The following CALN1 variants were observed in gnomAD, a reference collection of about 807,000 sequenced individuals.
CALN1 encodes calcium-binding protein 8.
In CALN1, 17 loss-of-function variants were observed where a neutral mutation model predicts 30.6. That is an observed-to-expected ratio of 0.56 (90% CI 0.38 to 0.83). The LOEUF is 0.83. Among genes scored for constraint, CALN1 ranks in the 40% least tolerant of loss-of-function variants. The probability of loss-of-function intolerance (pLI) is 0.00; values close to 1 mark genes in which losing one functional copy is unlikely to be tolerated. For synonymous variants in CALN1, 156 were observed against 131.4 expected (o/e 1.19, Z -1.28); for missense variants, 291 against 354.9 (o/e 0.82, Z 1.45).
At chr7:72,098,714 AAAAATAAAAT>A (rs766064277) in intron 4 of CALN1, among the ~76,000 whole-genome samples, 3 of 151,606 alleles carry the variant, frequency 2.0e-5, no homozygotes, top group Non-Finnish European at 4.4e-5. Context: ...TGCCTCTATA[AAAAATAAAAT>A]AAAATAAAAT....
intron 3 of CALN1, among the ~76,000 whole-genome samples, chr7:72,217,343 C>G (rs934360319): frequency 3.3e-5 from 5 of 152,138 alleles, no homozygotes; most frequent in African/African-American, 1.2e-4. Flanking sequence ...AGGTCTGGGC[C>G]TGGGCATCTT....
At chr7:72,003,904 C>T (rs926358241) in intron 5 of CALN1, among the ~76,000 whole-genome samples, 2 of 152,148 alleles carry the variant, frequency 1.3e-5, no homozygotes, top group Admixed American at 6.5e-5. Flanking sequence ...AAGGTGATGA[C>T]GCTATTCCTA....
chr7:72,466,477 C>T, the CALN1 span, among the ~76,000 whole-genome samples: 2 of 152,148 alleles, frequency 1.3e-5, no homozygotes, highest in African/African-American at 4.8e-5. Flanking sequence ...GGTGCAGTGG[C>T]TCACACCTGT....
At chr7:72,151,836 C>T (rs188525510) in intron 3 of CALN1, among the ~76,000 whole-genome samples, 76 of 151,896 alleles carry the variant, frequency 5.0e-4, no homozygotes, top group African/African-American at 1.7e-3. Context: ...CTCAGCCTCC[C>T]GAGTAGCTGG....
At chr7:72,500,162 C>A in the CALN1 span, among the ~76,000 whole-genome samples, 1 of 150,750 alleles carries the variant, frequency 6.6e-6, no homozygotes, top group Admixed American at 6.7e-5. Flanking sequence ...TCCACCCACC[C>A]CAGCCTCCCA....
the CALN1 span, among the ~76,000 whole-genome samples, chr7:72,456,998 T>C: frequency 1.3e-5 from 2 of 148,382 alleles, no homozygotes; most frequent in Non-Finnish European, 3.0e-5. Flanking sequence ...TTCTTTTTCT[T>C]TCTTTCTTTT....
chr7:71,915,735 A>G (rs1217457703), intron 5 of CALN1, among the ~76,000 whole-genome samples: 2 of 134,044 alleles, frequency 1.5e-5, no homozygotes, highest in East Asian at 2.2e-4. Flanking sequence ...TCCGTCTCAA[A>G]ACAAAAACCA....
At chr7:71,843,773 C>G (rs943599843) in intron 5 of CALN1, among the ~76,000 whole-genome samples, 1 of 152,186 alleles carries the variant, frequency 6.6e-6, no homozygotes, top group African/African-American at 2.4e-5. Flanking sequence ...CATGGGCACG[C>G]ATGAGGTATG....
intron 2 of CALN1, among the ~76,000 whole-genome samples, chr7:72,331,040 A>G (rs1352127817): frequency 6.6e-6 from 1 of 152,160 alleles, no homozygotes; most frequent in African/African-American, 2.4e-5. Flanking sequence ...GAATCCTTCC[A>G]GTTTCCTTTC....
At chr7:71,805,931 T>G (rs944412940) in intron 6 of CALN1, among the ~76,000 whole-genome samples, 4 of 152,186 alleles carry the variant, frequency 2.6e-5, no homozygotes, top group Non-Finnish European at 5.9e-5. Flanking sequence ...GATTATGTCC[T>G]TGCAGGGACA....
At chr7:72,089,597 A>T (rs1805716308) in intron 4 of CALN1, among the ~76,000 whole-genome samples, 1 of 152,178 alleles carries the variant, frequency 6.6e-6, no homozygotes, top group South Asian at 2.1e-4. Context: ...TGGAAGGAAA[A>T]GAAACTGAAT....
At chr7:71,820,946 T>A (rs193088177) in intron 5 of CALN1, among the ~76,000 whole-genome samples, 1 of 152,222 alleles carries the variant, frequency 6.6e-6, no homozygotes, top group East Asian at 1.9e-4. Flanking sequence ...CTGTGTGTGG[T>A]GTGTGAAGGC....
At chr7:72,178,113 G>A (rs1789494879) in intron 3 of CALN1, among the ~76,000 whole-genome samples, 1 of 152,100 alleles carries the variant, frequency 6.6e-6, no homozygotes, top group South Asian at 2.1e-4. Flanking sequence ...CGAAAAATGG[G>A]GGAAAAAATT....
intron 5 of CALN1, among the ~76,000 whole-genome samples, chr7:71,855,562 C>A (rs1482961138): frequency 6.6e-6 from 1 of 152,132 alleles, no homozygotes; most frequent in Non-Finnish European, 1.5e-5. Context: ...CCCAGCCTTT[C>A]AATCTGGAGC....
intron 2 of CALN1, among the ~76,000 whole-genome samples, chr7:72,338,488 T>C (rs1485138153): frequency 7.4e-6 from 1 of 134,232 alleles, no homozygotes; most frequent in Non-Finnish European, 1.6e-5. Flanking sequence ...TGTGTGTGTG[T>C]GTGTGTGTGT....
In CALN1 at chr7:71,844,668, A is replaced by C. The variant is rs1395978866; in HGVS notation, c.502-34176T>G. 4.6e-5 allele frequency among the ~76,000 whole-genome samples: 7 copies of C among 152,308 alleles called. No individual in the cohort carries two copies. The East Asian group carries it at 1.4e-3, about 29-fold the overall frequency. The stretch of plus-strand genomic sequence containing the variant: ...ACCAAAAGAGGGAACTGTAACACTT[A>C]GTGGAAAGGGCAGAAGAGAAAAGGA... On this transcript the variant is annotated intron_variant, in intron 5 of 6. Coordinates refer to ENST00000395275, the MANE Select transcript of CALN1 (RefSeq NM_031468.4).
intron 3 of CALN1, among the ~76,000 whole-genome samples, chr7:72,273,596 G>C (rs1255433945): frequency 6.9e-6 from 1 of 145,330 alleles, no homozygotes. Context: ...ATAGCTTACA[G>C]TAGCCTCAAA....
chr7:72,440,853 T>C (rs1295585652), intron 1 of CALN1, among the ~76,000 whole-genome samples: 1 of 152,140 alleles, frequency 6.6e-6, no homozygotes, highest in African/African-American at 2.4e-5. Flanking sequence ...AATAATACCA[T>C]AGAATCTTAT....
At chr7:71,962,543 A>G in intron 5 of CALN1, among the ~76,000 whole-genome samples, 1 of 152,236 alleles carries the variant, frequency 6.6e-6, no homozygotes, top group African/African-American at 2.4e-5. Flanking sequence ...ATTCTGGACT[A>G]TATAGAGAGT....
Sources: allele counts gnomAD v4.1 joint callset (sites outside exome capture counted in the v4.1 genomes callset), GRCh38; gene constraint gnomAD v4.1.1; transcripts MANE v1.5; gene names NCBI Gene and HGNC (gene_info 2026-07-23, HGNC 2026-07-21).